ANO6: variants seen among roughly 807,000 people sequenced by gnomAD.
ANO6 encodes the protein anoctamin 6, also known as anoctamin-6.
ANO6 carries 106 observed loss-of-function variants against 117.5 expected under a neutral mutation model. The ratio of observed to expected loss-of-function variants is 0.90; its 90% CI spans 0.77 to 1.06. The LOEUF is 1.06. Ranked by LOEUF, ANO6 falls within the 50% of genes least tolerant of loss-of-function variation. The pLI is 0.00. For synonymous variants in ANO6, 367 were observed against 385.1 expected, an observed-to-expected ratio of 0.95 and a Z score of 0.55; for missense variants, 955 against 1,121.1, an observed-to-expected ratio of 0.85 and a Z score of 2.12.
At chr12:45,220,037 C>A (rs911735301) in intron 1 of ANO6, among the ~76,000 whole-genome samples, 5 of 152,166 alleles carry the variant, frequency 3.3e-5, no homozygotes, top group African/African-American at 1.2e-4. Context: ...TTAAATTCAG[C>A]ATCTCTTCTT....
intron 1 of ANO6, among the ~76,000 whole-genome samples, chr12:45,248,073 A>G (rs576557707): frequency 9.8e-5 from 15 of 152,328 alleles, no homozygotes; most frequent in Non-Finnish European, 2.1e-4. Context: ...ACCACAGATA[A>G]AAGACTGACT....
In ANO6 at chr12:45,369,806, TACAC is replaced by T. The variant is rs200613892; in HGVS notation, c.1104+2015_1104+2018del. Among the ~76,000 whole-genome samples, 937 of 152,284 alleles carry T rather than the reference TACAC, an allele frequency of 6.2e-3. 14 individuals carry two copies. The highest frequency in any genetic ancestry group is 0.021 in the African/African-American group (875 of 41,556). On this transcript the variant is annotated intron_variant, in intron 9 of 19. Transcript: ENST00000320560. ...TAGAAATATGAAATTAGGAAACAAT[TACAC>T]AAATAATAAGGATTCATACTGTTTT...
intron 3 of ANO6, among the ~76,000 whole-genome samples, chr12:45,334,692 T>C (rs948004722): frequency 4.6e-5 from 7 of 152,064 alleles, no homozygotes; most frequent in Non-Finnish European, 8.8e-5. Context: ...CAAGCAGGCT[T>C]TTCTTAGTAA....
In ANO6 at chr12:45,431,056, A is replaced by ATTT; in HGVS notation, c.*1745_*1746insTTT. 1 of 985,398 alleles carries ATTT rather than the reference A, an allele frequency of 1.0e-6. No homozygotes were observed. 61.0% of individuals were successfully genotyped at this position (985,398 alleles called of 1,614,324 possible). Reference sequence around the variant, plus strand: ...TGCCTGCCATGAATGATTTGTAAGTAATTATGTAGGATCCATCAAAGCAGT... The same window carrying ATTT: ...TGCCTGCCATGAATGATTTGTAAGTATTTATTATGTAGGATCCATCAAAGCAGT... On this transcript the variant is annotated 3_prime_UTR_variant, in exon 20 of 20. Coordinates refer to ENST00000320560, the MANE Select transcript of ANO6 (RefSeq NM_001025356.3).
intron 2 of ANO6, among the ~76,000 whole-genome samples, chr12:45,304,875 G>A (rs1364223094): frequency 1.3e-5 from 2 of 152,182 alleles, no homozygotes; most frequent in Admixed American, 6.5e-5. Flanking sequence ...TGTATAGTGT[G>A]CATATATCAC....
Position 45,403,952 on chromosome 12 carries a change from A to G in ANO6, c.1880+416A>G, listed in dbSNP as rs147711257. On this transcript the variant is annotated intron_variant, in intron 15 of 19. Transcript: ENST00000320560. Reference sequence around the variant, plus strand: ...AAAGTCAGTATGAATTCCAGTCACTATATTAAGTGCTATATATATATATAC... The same window carrying G: ...AAAGTCAGTATGAATTCCAGTCACTGTATTAAGTGCTATATATATATATAC... 2.6e-3 allele frequency among the ~76,000 whole-genome samples: 390 copies of G among 152,148 alleles called. 2 individuals are homozygous for G. The highest frequency in any genetic ancestry group is 8.9e-3 in the African/African-American group (369 of 41,440).
chr12:45,400,197 T>TA (rs1312854985), intron 12 of ANO6, among the ~76,000 whole-genome samples: 1 of 152,202 alleles, frequency 6.6e-6, no homozygotes, highest in African/African-American at 2.4e-5. Flanking sequence ...ACAAGCCTGT[T>TA]ATGAGATTAA....
intron 1 of ANO6, among the ~76,000 whole-genome samples, chr12:45,253,400 A>G (rs1406173093): frequency 6.6e-6 from 1 of 152,220 alleles, no homozygotes; most frequent in African/African-American, 2.4e-5. Flanking sequence ...CATTGTTTTA[A>G]ATAGTTTACA....
At chr12:45,257,559 T>A (rs1327324674) in intron 1 of ANO6, among the ~76,000 whole-genome samples, 1 of 152,184 alleles carries the variant, frequency 6.6e-6, no homozygotes, top group Non-Finnish European at 1.5e-5. Flanking sequence ...CTTTTTCCTC[T>A]ACCACTCTGC....
In ANO6 at chr12:45,297,423, A is replaced by G. The variant is rs568381276; in HGVS notation, c.71-4591A>G. ...TGTCTGAGTTATAAACTTGTAGACA[A>G]TGGCTCTTTTTATTGGCCAGTTTAT... On this transcript the variant is annotated intron_variant, in intron 1 of 19. Transcript: ENST00000320560. Among the ~76,000 whole-genome samples, 11 of 152,310 alleles carry G rather than the reference A, an allele frequency of 7.2e-5. No homozygotes were observed. The Middle Eastern group carries it at 0.01, about 141-fold the overall frequency.
At chr12:45,382,634 G>A (rs1462786845) in intron 10 of ANO6, among the ~76,000 whole-genome samples, 1 of 152,082 alleles carries the variant, frequency 6.6e-6, no homozygotes, top group Non-Finnish European at 1.5e-5. Context: ...TGTGGGTAAG[G>A]TTCCAGACCA....
At chr12:45,229,569 T>C (rs529798543) in intron 1 of ANO6, among the ~76,000 whole-genome samples, 2 of 152,260 alleles carry the variant, frequency 1.3e-5, no homozygotes, top group African/African-American at 4.8e-5. Flanking sequence ...TTTATGCTTT[T>C]AATAGAGACG....
intron 16 of ANO6, among the ~76,000 whole-genome samples, chr12:45,415,618 C>T (rs893247718): frequency 6.6e-6 from 1 of 152,246 alleles, no homozygotes; most frequent in African/African-American, 2.4e-5. Context: ...AACTCTGGTC[C>T]TTGCCTGGCT....
intron 12 of ANO6, among the ~76,000 whole-genome samples, chr12:45,401,469 T>C (rs1489172342): frequency 6.6e-6 from 1 of 152,236 alleles, no homozygotes; most frequent in Non-Finnish European, 1.5e-5. Flanking sequence ...AAGATACTCT[T>C]TTTTAAATAG....
At chr12:45,361,365 C>T (rs901888299) in intron 8 of ANO6, among the ~76,000 whole-genome samples, 1 of 151,914 alleles carries the variant, frequency 6.6e-6, no homozygotes, top group Non-Finnish European at 1.5e-5. Flanking sequence ...AATGTAATTG[C>T]TTTTTTGTAT....
chr12:45,354,603 A>G (rs1194434741), intron 7 of ANO6, among the ~76,000 whole-genome samples: 1 of 152,180 alleles, frequency 6.6e-6, no homozygotes, highest in Non-Finnish European at 1.5e-5. Context: ...AGGAGTTGAA[A>G]CTGAAAGACA....
chr12:45,315,873 G>T (rs1380093474), intron 2 of ANO6, among the ~76,000 whole-genome samples: 3 of 151,998 alleles, frequency 2.0e-5, no homozygotes, highest in African/African-American at 7.2e-5. Flanking sequence ...AATCACCAGG[G>T]TCTGCTGATT....
At chr12:45,302,586 A>C (rs1234023559) in intron 2 of ANO6, among the ~76,000 whole-genome samples, 1 of 152,152 alleles carries the variant, frequency 6.6e-6, no homozygotes, top group Non-Finnish European at 1.5e-5. Context: ...ACCAGAAGGG[A>C]ACTAAATGCT....
chr12:45,436,559 T>C (rs758014829), downstream of ANO6, among the ~76,000 whole-genome samples: 2 of 152,174 alleles, frequency 1.3e-5, no homozygotes, highest in Non-Finnish European at 2.9e-5. Flanking sequence ...GTAATCCCCT[T>C]GGAGGTGAAT....
Sources: gnomAD v4.1 joint callset for allele counts (sites outside exome capture counted in the v4.1 genomes callset) on GRCh38, gnomAD v4.1.1 for gene constraint, MANE v1.5 for transcripts, NCBI Gene and HGNC (gene_info 2026-07-23, HGNC 2026-07-21) for gene names.